IQCH: variants seen among roughly 807,000 people sequenced by gnomAD.
IQCH encodes the protein IQ motif containing H, also known as IQ domain-containing protein H.
In IQCH, 98 loss-of-function variants were observed where a neutral mutation model predicts 117.0. That is an observed-to-expected ratio of 0.84 (90% CI 0.71 to 0.99). The LOEUF is 0.99. Ranked by LOEUF, IQCH falls within the 50% of genes least tolerant of loss-of-function variation. IQCH has a pLI of 0.00. For synonymous variants in IQCH, 412 were observed against 448.2 expected (o/e 0.92, Z 1.02); for missense variants, 1,102 against 1,243.8 (o/e 0.89, Z 1.72).
chr15:67,495,920 C>G (rs1016106978), intron 20 of IQCH, among the ~76,000 whole-genome samples: 4 of 152,200 alleles, frequency 2.6e-5, no homozygotes, highest in Non-Finnish European at 4.4e-5. Flanking sequence ...GGAATAGATT[C>G]ATCTTTGCTA....
In IQCH at chr15:67,493,768, C is replaced by T. The variant is rs2083727689; in HGVS notation, c.2862-490C>T. Among the ~76,000 whole-genome samples the T allele has an allele frequency of 1.3e-5, 2 of 152,284 alleles. No individual in the cohort carries two copies. Among genetic ancestry groups the T allele is most frequent in the South Asian group, 4.1e-4 (2 of 4,826 alleles). On this transcript the variant is annotated intron_variant, in intron 19 of 20. Coordinates refer to ENST00000335894, the MANE Select transcript of IQCH (RefSeq NM_001031715.3). This position sits in a 1 kb window ranked among gnomAD's most constrained non-coding sequence, Gnocchi z 5.1. ...TAGTGTCCTGCACCCATTAACTCGT[C>T]ATTTACATTAGGTATATCTCCTAAT... is the stretch of plus-strand genomic sequence containing the variant.
In IQCH at chr15:67,401,266, A is replaced by T. The variant is rs1971648644; in HGVS notation, c.2097+961A>T. Among the ~76,000 whole-genome samples, 1 of 151,166 alleles carries T rather than the reference A, an allele frequency of 6.6e-6. No individual in the cohort carries two copies. Among genetic ancestry groups the T allele is most frequent in the Middle Eastern group, 3.4e-3 (1 of 294 alleles). On this transcript the variant is annotated intron_variant, in intron 14 of 20. Transcript: ENST00000335894. The surrounding 1 kb of genome is among the most constrained non-coding windows in gnomAD (Gnocchi z 4.7). ...TTTTAGTCCCTTCCAAATTTGCTTAATTAAAGTAATTTTATATGGTTTAAT... is the reference window on the plus strand; with the variant it reads ...TTTTAGTCCCTTCCAAATTTGCTTATTTAAAGTAATTTTATATGGTTTAAT...
chr15:67,366,669 G>A lies in IQCH; in HGVS notation c.754-5442G>A, dbSNP rs1744412861. Among the ~76,000 whole-genome samples, 1 of 152,094 alleles carries A rather than the reference G, an allele frequency of 6.6e-6. No individual in the cohort carries two copies. Among genetic ancestry groups the A allele is most frequent in the South Asian group, 2.1e-4 (1 of 4,822 alleles). ...TTTTGCCTTTTATTCTCTTTGTAAA[G>A]GTTAAGGACTCTGACTTCCACTTTT... On this transcript the variant is annotated intron_variant, in intron 8 of 20. Transcript: ENST00000335894. The surrounding 1 kb of genome is among the most constrained non-coding windows in gnomAD (Gnocchi z 4.4).
intron 3 of IQCH, among the ~76,000 whole-genome samples, chr15:67,264,319 GAAC>G (rs10587237): frequency 0.21 from 31,770 of 152,130 alleles, 4,013 homozygotes; most frequent in East Asian, 0.47. Context: ...TAGTAGTTTA[GAAC>G]AACAAATACT....
rs551447513 is a variant in IQCH at position 67,436,187 on chromosome 15, C to A, written c.2505+14610C>A. Among the ~76,000 whole-genome samples the A allele has an allele frequency of 6.6e-6, 1 of 152,190 alleles. No homozygotes were observed. The highest frequency in any genetic ancestry group is 1.5e-5 in the Non-Finnish European group (1 of 68,026). ...TCAATAAATGTATTATCGAGACCCA[C>A]TGAAGGAAGCCGACTGCTCCTGCAG... On this transcript the variant is annotated intron_variant, in intron 16 of 20. Transcript: ENST00000335894. This position sits in a 1 kb window ranked among gnomAD's most constrained non-coding sequence, Gnocchi z 5.1.
intron 8 of IQCH, among the ~76,000 whole-genome samples, chr15:67,362,022 A>G (rs1342915003): frequency 2.0e-5 from 3 of 152,158 alleles, no homozygotes; most frequent in Non-Finnish European, 2.9e-5. Context: ...TTATTCTACT[A>G]TAGGAGTACA....
In IQCH at chr15:67,494,624, C is replaced by G. The variant is rs899925531; in HGVS notation, c.2970+258C>G. Among the ~76,000 whole-genome samples the G allele has an allele frequency of 6.6e-6, 1 of 152,206 alleles. No individual in the cohort carries two copies. Among genetic ancestry groups the G allele is most frequent in the Admixed American group, 6.5e-5 (1 of 15,276 alleles). ...AACTCCAGCTCCTAAGATAGCAGAT[C>G]TTTCTGATGTTGGACGTGAGTCTGA... On this transcript the variant is annotated intron_variant, in intron 20 of 20. Coordinates refer to ENST00000335894, the MANE Select transcript of IQCH (RefSeq NM_001031715.3). This position sits in a 1 kb window ranked among gnomAD's most constrained non-coding sequence, Gnocchi z 5.5.
intron 4 of IQCH, among the ~76,000 whole-genome samples, chr15:67,296,638 A>G (rs1368057049): frequency 6.6e-6 from 1 of 152,160 alleles, no homozygotes; most frequent in Non-Finnish European, 1.5e-5. Context: ...TGGGGACTAG[A>G]GAGGGTAAAG....
intron 18 of IQCH, among the ~76,000 whole-genome samples, chr15:67,483,052 C>T (rs921768394): frequency 6.6e-6 from 1 of 152,220 alleles, no homozygotes; most frequent in Non-Finnish European, 1.5e-5. Context: ...GCTAAGAACA[C>T]TCCTGGTCAC....
chr15:67,338,281 A>C (rs994332883), intron 5 of IQCH, among the ~76,000 whole-genome samples: 1 of 149,722 alleles, frequency 6.7e-6, no homozygotes, highest in Non-Finnish European at 1.5e-5. Context: ...AGACAATAAA[A>C]AAATGCCACA....
chr15:67,312,777 A>G (rs1967662839), intron 4 of IQCH, among the ~76,000 whole-genome samples: 1 of 152,198 alleles, frequency 6.6e-6, no homozygotes, highest in South Asian at 2.1e-4. Flanking sequence ...CATTAGCCAC[A>G]AGAGAAATGG....
Position 67,279,863 on chromosome 15 carries a change from G to A in IQCH, c.387+351G>A, listed in dbSNP as rs560954395. Among the ~76,000 whole-genome samples, 10 of 152,136 alleles carry A rather than the reference G, an allele frequency of 6.6e-5. No homozygotes were observed. In the East Asian group the frequency reaches 9.7e-4, roughly 15 times the overall value. On this transcript the variant is annotated intron_variant, in intron 4 of 20. Coordinates refer to ENST00000335894, the MANE Select transcript of IQCH (RefSeq NM_001031715.3). ...TAAAAATACAAAAAATTATCCGGGC[G>A]TGGTGGTGGGCGCCTGGTACTCGCC... is the stretch of plus-strand genomic sequence containing the variant.
chr15:67,363,733 C>T (rs563992000), intron 8 of IQCH, among the ~76,000 whole-genome samples: 1 of 152,170 alleles, frequency 6.6e-6, no homozygotes, highest in East Asian at 1.9e-4. Context: ...CAAGTAGGCC[C>T]CTGTGTCATT....
chr15:67,379,524 T>G (rs1402238668), intron 10 of IQCH, among the ~76,000 whole-genome samples: 1 of 152,188 alleles, frequency 6.6e-6, no homozygotes, highest in Non-Finnish European at 1.5e-5. Flanking sequence ...TGAGAATCAT[T>G]GGTAATATGG....
chr15:67,490,229 G>A lies in IQCH; in HGVS notation c.2861+165G>A, dbSNP rs909127111. ...TTATTTTATTCTATTTTTTTGAGAC[G>A]GAGCCTCACTCTGTCACCCAGGCTG... On this transcript the variant is annotated intron_variant, in intron 19 of 20. Coordinates refer to ENST00000335894, the MANE Select transcript of IQCH (RefSeq NM_001031715.3). The surrounding 1 kb of genome is among the most constrained non-coding windows in gnomAD (Gnocchi z 4.9). 2.6e-4 allele frequency among the ~76,000 whole-genome samples: 40 copies of A among 151,400 alleles called. No homozygotes were observed. The highest frequency in any genetic ancestry group is 2.5e-3 in the Admixed American group (38 of 15,190).
chr15:67,498,343 C>T (rs910631624), intron 20 of IQCH, among the ~76,000 whole-genome samples: 5 of 152,206 alleles, frequency 3.3e-5, no homozygotes, highest in Admixed American at 2.0e-4. Flanking sequence ...GGGCCGGGCG[C>T]GGTGGCTCAC....
At chr15:67,438,117 C>T (rs185764900) in intron 16 of IQCH, among the ~76,000 whole-genome samples, 9 of 152,156 alleles carry the variant, frequency 5.9e-5, no homozygotes, top group Middle Eastern at 3.4e-3. Context: ...AAATTTAAGA[C>T]GAAGGAAAGA....
At chr15:67,292,439 G>T (rs976225425) in intron 4 of IQCH, among the ~76,000 whole-genome samples, 1 of 152,004 alleles carries the variant, frequency 6.6e-6, no homozygotes, top group African/African-American at 2.4e-5. Flanking sequence ...TAAATTTTTA[G>T]TAGTAGCAAG....
chr15:67,308,094 T>C (rs1467139225), intron 4 of IQCH, among the ~76,000 whole-genome samples: 3 of 152,154 alleles, frequency 2.0e-5, no homozygotes, highest in South Asian at 2.1e-4. Context: ...AGGCCCACCC[T>C]TGAATTCCAA....
Sources: gnomAD v4.1 joint callset for allele counts (sites outside exome capture counted in the v4.1 genomes callset) on GRCh38, gnomAD v4.1.1 for gene constraint, Gnocchi (gnomAD v3.1) non-coding constraint, MANE v1.5 for transcripts, NCBI Gene and HGNC (gene_info 2026-07-23, HGNC 2026-07-21) for gene names.